CADPS: variants seen among roughly 807,000 people sequenced by gnomAD.
CADPS encodes the protein calcium-dependent secretion activator 1.
A neutral mutation model predicts 167.3 loss-of-function variants in CADPS; 57 were observed. The observed-to-expected ratio is 0.34, with a 90% CI of 0.28 to 0.42. The LOEUF (loss-of-function observed/expected upper bound fraction) is 0.42. Among genes scored for constraint, CADPS ranks in the 20% least tolerant of loss-of-function variants. The pLI, the probability that CADPS is intolerant of heterozygous loss-of-function variation, is 1.00. For synonymous variants in CADPS, 676 were observed against 635.3 expected, an observed-to-expected ratio of 1.06 and a Z score of -0.96; for missense variants, 1,414 against 1,738.1, an observed-to-expected ratio of 0.81 and a Z score of 3.32.
intron 6 of CADPS, among the ~76,000 whole-genome samples, chr3:62,631,901 A>G (rs4688300): frequency 0.28 from 42,559 of 152,056 alleles, 7,117 homozygotes; most frequent in Non-Finnish European, 0.36. Context: ...TCAGCCATTC[A>G]CTTTCTCTCG....
chr3:62,709,219 T>G (rs74598251), intron 3 of CADPS, among the ~76,000 whole-genome samples: 13,043 of 151,978 alleles, frequency 0.086, 699 homozygotes, highest in South Asian at 0.16. Context: ...TTCCTCAGGG[T>G]CAAGCAGAAC....
At chr3:62,867,953 C>G (rs1158100517) in intron 1 of CADPS, among the ~76,000 whole-genome samples, 1 of 152,002 alleles carries the variant, frequency 6.6e-6, no homozygotes, top group Non-Finnish European at 1.5e-5. Context: ...AGCAAGAAAG[C>G]AAACCCAGGC....
chr3:62,653,359 T>A (rs1192428247), intron 4 of CADPS, among the ~76,000 whole-genome samples: 2 of 152,094 alleles, frequency 1.3e-5, no homozygotes, highest in Non-Finnish European at 2.9e-5. Context: ...GACAGCTGCC[T>A]ATGAACCAGA....
rs375222372 is a variant in CADPS, at chr3:62,512,761, T to C, written c.2589A>G (p.Gln863=). 4 of 1,604,932 alleles carry C rather than the reference T, an allele frequency of 2.5e-6. No homozygotes were observed. The highest frequency in any genetic ancestry group is 3.4e-6 in the Non-Finnish European group (4 of 1,173,800). ...LSEYAKIEEN[Q]KDAENVGRLI... is the part of the protein sequence containing the mutation. ...ATACAATTGGTTCACCTGCATCCTTTTGATTCTCTATTTGAAAGAGAGAGC... is the reference window on the plus strand; with the variant it reads ...ATACAATTGGTTCACCTGCATCCTTCTGATTCTCTATTTGAAAGAGAGAGC... Residue 863 remains glutamine (Q), a synonymous_variant, in exon 17 of 30, where the codon CAA becomes CAG. Coordinates refer to ENST00000383710, the MANE Select transcript of CADPS (RefSeq NM_003716.4).
In CADPS at chr3:62,874,550, G is replaced by A; in HGVS notation, c.441+39C>T. ...TTGTTCACCCCGCCCGCCTGGCGAC[G>A]TCCGGGTGCTGCTCCCTGGGCCTCC... On this transcript the variant is annotated intron_variant, in intron 1 of 29. Coordinates refer to ENST00000383710, the MANE Select transcript of CADPS (RefSeq NM_003716.4). The surrounding 1 kb of genome is among the most constrained non-coding windows in gnomAD (Gnocchi z 7.1). 6.7e-7 allele frequency: 1 copy of A among 1,484,060 alleles called. No individual in the cohort carries two copies. Among genetic ancestry groups the A allele is most frequent in the Non-Finnish European group, 9.2e-7 (1 of 1,092,626 alleles). The allele number at this position is 1,484,060 out of a possible 1,614,324, so 91.9% of individuals were successfully genotyped here. A position where few individuals can be genotyped will look rare whatever the true frequency, so the allele number is the denominator to read the frequency against.
intron 1 of CADPS, among the ~76,000 whole-genome samples, chr3:62,851,144 C>G (rs2078491682): frequency 7.6e-6 from 1 of 132,244 alleles, no homozygotes; most frequent in Non-Finnish European, 1.6e-5. Context: ...TTCCTCCATC[C>G]TTTTATTTTG....
intron 4 of CADPS, among the ~76,000 whole-genome samples, chr3:62,656,613 T>C (rs1432996126): frequency 6.6e-6 from 1 of 152,132 alleles, no homozygotes; most frequent in Non-Finnish European, 1.5e-5. Context: ...AGGCTGGTGA[T>C]GGCTGAGCCC....
At chr3:62,664,020 T>C (rs115927034) in intron 3 of CADPS, among the ~76,000 whole-genome samples, 2,521 of 152,194 alleles carry the variant, frequency 0.017, 73 homozygotes, top group African/African-American at 0.057. Flanking sequence ...TTATTTTTTT[T>C]CCCCCGAGAT....
At chr3:62,507,227 A>C (rs2066859431) in intron 17 of CADPS, among the ~76,000 whole-genome samples, 1 of 152,110 alleles carries the variant, frequency 6.6e-6, no homozygotes, top group South Asian at 2.1e-4. Flanking sequence ...CACCCCAGTC[A>C]GTTCTTCTTA....
At chr3:62,584,996 A>G (rs2084283559) in intron 8 of CADPS, among the ~76,000 whole-genome samples, 189 bp downstream of exon 8, 1 of 152,268 alleles carries the variant, frequency 6.6e-6, no homozygotes, top group Non-Finnish European at 1.5e-5. Flanking sequence ...TTTGACAGCA[A>G]AAATGCAAAT....
intron 3 of CADPS, among the ~76,000 whole-genome samples, chr3:62,730,980 C>T (rs1029866793): frequency 6.6e-6 from 1 of 152,220 alleles, no homozygotes; most frequent in Non-Finnish European, 1.5e-5. Flanking sequence ...TTAAAAATGA[C>T]ATGTCCAAGG....
intron 6 of CADPS, among the ~76,000 whole-genome samples, chr3:62,593,545 A>G (rs964673282): frequency 6.6e-6 from 1 of 152,192 alleles, no homozygotes; most frequent in Admixed American, 6.5e-5. Context: ...ACTGGATTGC[A>G]CTGAGCCCCA....
intron 1 of CADPS, among the ~76,000 whole-genome samples, chr3:62,783,063 T>G (rs575396771): frequency 6.6e-6 from 1 of 152,242 alleles, no homozygotes; most frequent in South Asian, 2.1e-4. Context: ...CCTGGCCTAG[T>G]CTAGCATTTT....
intron 4 of CADPS, among the ~76,000 whole-genome samples, chr3:62,658,673 T>G (rs1176505369): frequency 6.6e-6 from 1 of 151,958 alleles, no homozygotes; most frequent in African/African-American, 2.4e-5. Flanking sequence ...ACATCTGGAG[T>G]GCTTCCCAAT....
intron 26 of CADPS, among the ~76,000 whole-genome samples, chr3:62,459,546 C>T (rs1576349716): frequency 3.9e-5 from 6 of 152,300 alleles, no homozygotes; most frequent in Admixed American, 3.9e-4. Context: ...TTTGTTCTCT[C>T]CTTTGCCAAG....
In CADPS at chr3:62,692,935, T is replaced by G. The variant is rs948768507; in HGVS notation, c.889-30541A>C. On this transcript the variant is annotated intron_variant, in intron 3 of 29. Coordinates refer to ENST00000383710, the MANE Select transcript of CADPS (RefSeq NM_003716.4). ...ATCTAGAATGATCATGGCCTCTTAG[T>G]AGATGATGTGACCTCTACAAAGCTC... is the stretch of plus-strand genomic sequence containing the variant. 2.6e-5 allele frequency among the ~76,000 whole-genome samples: 4 copies of G among 152,060 alleles called. No individual in the cohort carries two copies. The East Asian group carries it at 7.7e-4, about 29-fold the overall frequency.
intron 3 of CADPS, among the ~76,000 whole-genome samples, chr3:62,709,728 T>G (rs1449884606): frequency 6.6e-6 from 1 of 152,084 alleles, no homozygotes. Flanking sequence ...GGATGGACAC[T>G]GAAGATGGAG....
At chr3:62,410,139 C>T (rs370439042) in intron 28 of CADPS, among the ~76,000 whole-genome samples, 24 of 152,228 alleles carry the variant, frequency 1.6e-4, no homozygotes, top group African/African-American at 5.8e-4. Flanking sequence ...AAAATGAGCT[C>T]TTTAAAAAAA....
rs747123779 is a variant in CADPS at position 62,499,167 on chromosome 3, C to T, written c.2701G>A (p.Ala901Thr). Residue 901 changes from alanine to threonine, a missense_variant, in exon 18 of 30, where the codon GCA (alanine) becomes ACA (threonine). Ala to Thr is a moderately conservative substitution (Grantham distance 58). Transcript: ENST00000383710. Reference protein sequence around the residue: ...EVLQQNEEHHAEPHVDKGEAF... With the variant: ...EVLQQNEEHHTEPHVDKGEAF... ...TTCCCACCAAGCCTGCTCACCTCTG[C>T]GTGGTGCTCCTCATTTTGCTGAAGA... 1.2e-5 allele frequency: 20 copies of T among 1,605,206 alleles called. No homozygotes were observed. Among genetic ancestry groups the T allele is most frequent in the East Asian group, 6.7e-5 (3 of 44,798 alleles).
Sources: gnomAD v4.1 joint callset for allele counts (sites outside exome capture counted in the v4.1 genomes callset) on GRCh38, gnomAD v4.1.1 for gene constraint, Gnocchi (gnomAD v3.1) non-coding constraint, MANE v1.5 for transcripts, NCBI Gene and HGNC (gene_info 2026-07-23, HGNC 2026-07-21) for gene names.